SLC8A1: variants seen among roughly 807,000 people sequenced by gnomAD.
The protein encoded by SLC8A1 is solute carrier family 8 member A1, also known as sodium/calcium exchanger 1.
Under a neutral mutation model 68.3 loss-of-function variants are expected in SLC8A1, and 18 were observed. That is an observed-to-expected ratio of 0.26 (90% confidence interval 0.18 to 0.39). SLC8A1 has a LOEUF of 0.39. SLC8A1 is among the 10% of genes least tolerant of loss of function. The pLI is 1.00. For synonymous variants in SLC8A1, 475 were observed against 415.5 expected, an observed-to-expected ratio of 1.14 and a Z score of -1.74; for missense variants, 985 against 1,156.7, an observed-to-expected ratio of 0.85 and a Z score of 2.15.
intron 1 of SLC8A1, among the ~76,000 whole-genome samples, chr2:40,457,151 A>G (rs1441389161): frequency 6.6e-6 from 1 of 152,160 alleles, no homozygotes; most frequent in East Asian, 1.9e-4. Flanking sequence ...CATTACATTA[A>G]TTTTATTAAC....
chr2:40,328,420 C>G (rs1178246524), intron 2 of SLC8A1, among the ~76,000 whole-genome samples: 1 of 152,072 alleles, frequency 6.6e-6, no homozygotes, highest in African/African-American at 2.4e-5. Context: ...ATTCATCTTC[C>G]TCCAACCACC....
chr2:40,283,219 T>G (rs2067777850), intron 2 of SLC8A1, among the ~76,000 whole-genome samples: 1 of 152,216 alleles, frequency 6.6e-6, no homozygotes, highest in East Asian at 1.9e-4. Context: ...GATGTGAAAG[T>G]GAAGATACAG....
chr2:40,465,758 T>C (rs759709959), intron 1 of SLC8A1, among the ~76,000 whole-genome samples: 6 of 152,212 alleles, frequency 3.9e-5, no homozygotes, highest in African/African-American at 9.7e-5. Context: ...ATGGTCTGAA[T>C]GTGTCCCCTA....
At chr2:40,371,945 A>G (rs994272415) in intron 2 of SLC8A1, among the ~76,000 whole-genome samples, 2 of 152,128 alleles carry the variant, frequency 1.3e-5, no homozygotes, top group African/African-American at 2.4e-5. Flanking sequence ...ATATTCGTAC[A>G]TGGAACTGGG....
At chr2:40,197,773 T>G (rs1447516733) in intron 2 of SLC8A1, among the ~76,000 whole-genome samples, 2 of 60,606 alleles carry the variant, frequency 3.3e-5, no homozygotes, top group Non-Finnish European at 9.1e-5. Flanking sequence ...TTCTCCACTT[T>G]CTATGGAACC....
chr2:40,500,046 A>G (rs758765825), intron 1 of SLC8A1, among the ~76,000 whole-genome samples: 3 of 152,104 alleles, frequency 2.0e-5, no homozygotes, highest in East Asian at 3.9e-4. Context: ...TGTTGTTTCT[A>G]GACTGTGGTT....
intron 6 of SLC8A1, among the ~76,000 whole-genome samples, chr2:40,151,150 A>G (rs1207056658): frequency 6.6e-6 from 1 of 152,214 alleles, no homozygotes; most frequent in African/African-American, 2.4e-5. Context: ...ACACAGATAA[A>G]TATATCTTAT....
At chr2:40,265,570 T>C (rs1049310775) in intron 2 of SLC8A1, among the ~76,000 whole-genome samples, 2 of 152,192 alleles carry the variant, frequency 1.3e-5, no homozygotes, top group Non-Finnish European at 2.9e-5. Context: ...TTATTTCCCA[T>C]AGGTTCATGA....
chr2:40,151,788 G>A (rs1039385535), intron 6 of SLC8A1, among the ~76,000 whole-genome samples: 1 of 152,136 alleles, frequency 6.6e-6, no homozygotes, highest in Non-Finnish European at 1.5e-5. Flanking sequence ...CTTCTCTTTA[G>A]GAATTTATCA....
chr2:40,341,706 T>A (rs913069607), intron 2 of SLC8A1, among the ~76,000 whole-genome samples: 26 of 152,282 alleles, frequency 1.7e-4, no homozygotes, highest in African/African-American at 6.0e-4. Flanking sequence ...CAAGATTATA[T>A]AAATGTGTAT....
intron 2 of SLC8A1, among the ~76,000 whole-genome samples, chr2:40,358,444 T>G (rs963426750): frequency 5.3e-5 from 8 of 152,120 alleles, no homozygotes; most frequent in Non-Finnish European, 1.2e-4. Context: ...AGTGAATATA[T>G]CAGAAATCTC....
chr2:40,192,121 T>C (rs975106625), intron 2 of SLC8A1, among the ~76,000 whole-genome samples: 6 of 152,168 alleles, frequency 3.9e-5, no homozygotes, highest in Admixed American at 6.6e-5. Context: ...TTTCACACTT[T>C]AAGCATTTTC....
chr2:40,396,387 C>A (rs912884495), intron 2 of SLC8A1, among the ~76,000 whole-genome samples: 4 of 152,060 alleles, frequency 2.6e-5, no homozygotes, highest in Non-Finnish European at 5.9e-5. Context: ...GGTCTGCAAA[C>A]CACTTATACT....
chr2:40,437,867 C>T (rs1240424550), intron 1 of SLC8A1, among the ~76,000 whole-genome samples: 1 of 152,090 alleles, frequency 6.6e-6, no homozygotes, highest in Non-Finnish European at 1.5e-5. Context: ...TAAAACATAT[C>T]TCCAAAGGAG....
At chr2:40,294,900 A>T (rs530114116) in intron 2 of SLC8A1, among the ~76,000 whole-genome samples, 20 of 152,274 alleles carry the variant, frequency 1.3e-4, no homozygotes, top group Non-Finnish European at 2.2e-4. Flanking sequence ...TATAATCTGT[A>T]TGTAGCACAT....
chr2:40,353,383 C>T (rs537800015), intron 2 of SLC8A1, among the ~76,000 whole-genome samples: 1 of 152,108 alleles, frequency 6.6e-6, no homozygotes, highest in African/African-American at 2.4e-5. Flanking sequence ...AAAAACTTGG[C>T]CTCATCTGTG....
rs538270488 is a variant in SLC8A1, at chr2:40,506,097, AT to A, written c.-25+6251del. Among the ~76,000 whole-genome samples, 92 of 132,196 alleles carry A rather than the reference AT, an allele frequency of 7.0e-4. 1 individual carries two copies. The South Asian group carries it at 0.012, about 18-fold the overall frequency. 86.7% of individuals were successfully genotyped at this position (132,196 alleles called of 152,430 possible). On this transcript the variant is annotated intron_variant, in intron 1 of 7. Coordinates refer to the SLC8A1 transcript ENST00000402441. ...GGAGACACATTTTATGCAATATTTC[AT>A]AGATCCTTTTTTTTTTTTTTTTTGA...
intron 6 of SLC8A1, among the ~76,000 whole-genome samples, chr2:40,159,262 C>G (rs1238024669): frequency 1.3e-5 from 2 of 152,306 alleles, no homozygotes; most frequent in South Asian, 4.1e-4. Context: ...CTCCATTAGA[C>G]TGTAAGCTCC....
chr2:40,194,804 A>T (rs776490513), intron 2 of SLC8A1, among the ~76,000 whole-genome samples: 24 of 152,022 alleles, frequency 1.6e-4, no homozygotes, highest in Non-Finnish European at 1.6e-4. Flanking sequence ...GACAGACTGG[A>T]AGAGGCCAAG....
Sources: allele counts gnomAD v4.1 joint callset (sites outside exome capture counted in the v4.1 genomes callset), GRCh38; gene constraint gnomAD v4.1.1; transcripts MANE v1.5; gene names NCBI Gene and HGNC (gene_info 2026-07-23, HGNC 2026-07-21).